Variants in PACRG observed in about 807,000 individuals in gnomAD.
PACRG encodes parkin coregulated gene protein.
In PACRG, 29 loss-of-function variants were observed where a neutral mutation model predicts 29.7. The observed-to-expected ratio is 0.98, with a 90% confidence interval of 0.73 to 1.33. PACRG has a LOEUF of 1.33. Among genes scored for constraint, PACRG ranks in the 40% most tolerant of loss-of-function variants. The pLI is 0.00. For missense variants in PACRG, 279 were observed against 316.2 expected, an observed-to-expected ratio of 0.88 and a Z score of 0.89; for synonymous variants, 116 against 118.7, an observed-to-expected ratio of 0.98 and a Z score of 0.15.
intron 2 of PACRG, among the ~76,000 whole-genome samples, chr6:162,858,341 A>G (rs1791576866): frequency 6.6e-6 from 1 of 152,050 alleles, no homozygotes; most frequent in African/African-American, 2.4e-5. Flanking sequence ...TCTCATGAGA[A>G]CTCACTCGCT....
chr6:163,131,494 A>G (rs2128329370), intron 4 of PACRG, among the ~76,000 whole-genome samples: 1 of 152,196 alleles, frequency 6.6e-6, no homozygotes, highest in Non-Finnish European at 1.5e-5. Context: ...GAATTTGGAG[A>G]GGCGCATAAA....
intron 4 of PACRG, among the ~76,000 whole-genome samples, chr6:163,198,411 G>C (rs930902397): frequency 6.6e-6 from 1 of 152,192 alleles, no homozygotes; most frequent in African/African-American, 2.4e-5. Context: ...TACTGCTTAT[G>C]CATCAGGCAC....
At chr6:162,787,209 A>C (rs1402552875) in intron 1 of PACRG, among the ~76,000 whole-genome samples, 1 of 151,994 alleles carries the variant, frequency 6.6e-6, no homozygotes, top group East Asian at 1.9e-4. Flanking sequence ...CTGCTGATGT[A>C]CTCTGTACTT....
At chr6:162,741,668 A>G (rs1780611317) in intron 1 of PACRG, among the ~76,000 whole-genome samples, 1 of 152,218 alleles carries the variant, frequency 6.6e-6, no homozygotes, top group South Asian at 2.1e-4. Flanking sequence ...ATTTTGGGGA[A>G]CACAAACAGT....
intron 4 of PACRG, among the ~76,000 whole-genome samples, chr6:163,210,626 C>T (rs10945880): frequency 0.44 from 66,465 of 152,054 alleles, 14,790 homozygotes; most frequent in East Asian, 0.66. Context: ...AATTGGTTAA[C>T]GCATACTGAA....
chr6:163,063,874 G>A (rs936140300), intron 3 of PACRG, among the ~76,000 whole-genome samples: 18 of 152,112 alleles, frequency 1.2e-4, no homozygotes, highest in African/African-American at 2.2e-4. Flanking sequence ...AGGGTGTAGC[G>A]TCCCGAGCCA....
chr6:162,899,394 A>C (rs181088820), intron 2 of PACRG, among the ~76,000 whole-genome samples: 106 of 152,180 alleles, frequency 7.0e-4, no homozygotes, highest in Admixed American at 5.0e-3. Flanking sequence ...AGGACGTCTC[A>C]CCTTTCTAGG....
At chr6:162,900,881 C>G (rs999160816) in intron 2 of PACRG, among the ~76,000 whole-genome samples, 1 of 152,090 alleles carries the variant, frequency 6.6e-6, no homozygotes, top group African/African-American at 2.4e-5. Context: ...TTATTTTATT[C>G]AAAAGACTTA....
chr6:162,864,793 A>T (rs868080087), intron 2 of PACRG, among the ~76,000 whole-genome samples: 1 of 152,194 alleles, frequency 6.6e-6, no homozygotes, highest in African/African-American at 2.4e-5. Flanking sequence ...TCCACCTCTG[A>T]TTACTCCTAC....
At position 162,831,753 on chromosome 6, in the gene PACRG, C is replaced by T. The variant is rs113639202; in HGVS notation, c.291+17472C>T. 8.5e-3 allele frequency among the ~76,000 whole-genome samples: 1,291 copies of T among 152,196 alleles called. 9 individuals are homozygous for T. Among genetic ancestry groups the T allele is most frequent in the Middle Eastern group, 0.014 (4 of 294 alleles). On this transcript the variant is annotated intron_variant, in intron 2 of 4. Transcript: ENST00000366888. ...GCTCCAACTTGTAAGTGAGAATATA[C>T]GGTGTTTAGGTTTTCTGTTCCTGAG...
chr6:163,271,868 C>T (rs1783843339), intron 4 of PACRG, among the ~76,000 whole-genome samples: 1 of 152,150 alleles, frequency 6.6e-6, no homozygotes, highest in South Asian at 2.1e-4. Flanking sequence ...AGTAGAATTG[C>T]TATCTTTGTA....
intron 4 of PACRG, among the ~76,000 whole-genome samples, chr6:163,246,547 A>G (rs1261942602): frequency 2.0e-5 from 3 of 152,166 alleles, no homozygotes; most frequent in Non-Finnish European, 4.4e-5. Flanking sequence ...TTTGCTTAAT[A>G]CCTGTAAGAT....
intron 4 of PACRG, among the ~76,000 whole-genome samples, chr6:163,198,207 T>C (rs542983823): frequency 6.6e-6 from 1 of 152,366 alleles, no homozygotes; most frequent in South Asian, 2.1e-4. Flanking sequence ...TGACCACAGA[T>C]TTTTAATATA....
At chr6:163,300,100 C>T (rs1190656834) in intron 4 of PACRG, among the ~76,000 whole-genome samples, 1 of 152,194 alleles carries the variant, frequency 6.6e-6, no homozygotes, top group Non-Finnish European at 1.5e-5. Context: ...GGGGTGAAGC[C>T]AGAAAATCAG....
At chr6:162,927,930 T>C (rs1797570545) in intron 2 of PACRG, among the ~76,000 whole-genome samples, 1 of 152,120 alleles carries the variant, frequency 6.6e-6, no homozygotes, top group South Asian at 2.1e-4. Flanking sequence ...CAGTATTTTG[T>C]TGATGAATTT....
chr6:162,823,810 G>T (rs1379798003), intron 2 of PACRG, among the ~76,000 whole-genome samples: 1 of 152,118 alleles, frequency 6.6e-6, no homozygotes, highest in East Asian at 1.9e-4. Context: ...ACCGCGCCTG[G>T]CCAGAGCTTT....
intron 2 of PACRG, among the ~76,000 whole-genome samples, chr6:162,902,100 A>G (rs954962724): frequency 2.6e-5 from 4 of 152,326 alleles, no homozygotes; most frequent in Non-Finnish European, 4.4e-5. Flanking sequence ...TTCTTACTCT[A>G]TGGTTTCACA....
At chr6:162,736,325 G>A (rs539459657) in intron 1 of PACRG, among the ~76,000 whole-genome samples, 5 of 152,144 alleles carry the variant, frequency 3.3e-5, no homozygotes, top group East Asian at 1.9e-4. Flanking sequence ...GTACATGTAC[G>A]TAGACTTTCG....
In PACRG at chr6:162,853,307, C is replaced by G. The variant is rs140046356; in HGVS notation, c.291+39026C>G. On this transcript the variant is annotated intron_variant, in intron 2 of 4. Coordinates refer to ENST00000366888, the MANE Select transcript of PACRG (RefSeq NM_001080379.2). This position sits in a 1 kb window ranked among gnomAD's most constrained non-coding sequence, Gnocchi z 4.7. Reference sequence around the variant, plus strand: ...AATCTCTGCTCCAGAATGGCTTGATCTCCTTGGAGATCAGGCAGAAAATTC... The same window carrying G: ...AATCTCTGCTCCAGAATGGCTTGATGTCCTTGGAGATCAGGCAGAAAATTC... 5.4e-3 allele frequency among the ~76,000 whole-genome samples: 826 copies of G among 152,306 alleles called. 10 individuals carry two copies. Among genetic ancestry groups the G allele is most frequent in the African/African-American group, 0.019 (789 of 41,554 alleles).
Sources: gnomAD v4.1 joint callset for allele counts (sites outside exome capture counted in the v4.1 genomes callset) on GRCh38, gnomAD v4.1.1 for gene constraint, Gnocchi (gnomAD v3.1) non-coding constraint, MANE v1.5 for transcripts, NCBI Gene and HGNC (gene_info 2026-07-23, HGNC 2026-07-21) for gene names.